Variants in METAP2 observed in about 807,000 individuals in gnomAD.
The protein encoded by METAP2 is methionyl aminopeptidase 2.
A neutral mutation model predicts 59.4 loss-of-function variants in METAP2; 25 were observed. The observed-to-expected ratio is 0.42, with a 90% confidence interval of 0.31 to 0.59. METAP2 has a LOEUF of 0.59. METAP2 is among the 20% of genes least tolerant of loss of function. The probability of loss-of-function intolerance (pLI) is 0.16; values close to 1 mark genes in which losing one functional copy is unlikely to be tolerated. For missense variants in METAP2, 366 were observed against 581.2 expected, an observed-to-expected ratio of 0.63 and a Z score of 3.81; for synonymous variants, 214 against 194.1, an observed-to-expected ratio of 1.10 and a Z score of -0.85.
In METAP2 at chr12:95,492,132, T is replaced by TGTGTGTGTGTGTG. The variant is rs1555191428; in HGVS notation, c.429-1924_429-1923insGTGTGTGTGTGTG. 7.2e-3 allele frequency among the ~76,000 whole-genome samples: 1,070 copies of TGTGTGTGTGTGTG among 149,398 alleles called. 3 individuals are homozygous for TGTGTGTGTGTGTG. The highest frequency in any genetic ancestry group is 7.6e-3 in the Non-Finnish European group (511 of 67,426). On this transcript the variant is annotated intron_variant, in intron 4 of 10. Transcript: ENST00000323666. Reference sequence around the variant, plus strand: ...CTATCGTGTGTATGTATATGTGTGTTTGTGTGTGTGTGTGTGTGTGTGTAT... The same window carrying TGTGTGTGTGTGTG: ...CTATCGTGTGTATGTATATGTGTGTTGTGTGTGTGTGTGTGTGTGTGTGTGTGTGTGTGTGTAT...
chr12:95,484,350 A>G (rs2076180471), intron 3 of METAP2, among the ~76,000 whole-genome samples: 1 of 151,988 alleles, frequency 6.6e-6, no homozygotes, highest in African/African-American at 2.4e-5. Context: ...TCTGTATTTG[A>G]TGAGCACAGG....
chr12:95,507,848 G>A (rs1051416687), intron 8 of METAP2, among the ~76,000 whole-genome samples: 2 of 150,546 alleles, frequency 1.3e-5, no homozygotes, highest in African/African-American at 4.9e-5. Context: ...GCGCGATCTC[G>A]GCTCATCACA....
At chr12:95,509,158 C>T (rs1271806902) in intron 8 of METAP2, among the ~76,000 whole-genome samples, 1 of 152,142 alleles carries the variant, frequency 6.6e-6, no homozygotes, top group African/African-American at 2.4e-5. Flanking sequence ...TTCCCCTGTA[C>T]CCTCATTTTT....
rs201195216 is a variant in METAP2 at position 95,515,541 on chromosome 12, G to A, written c.*1637G>A. The A allele has an allele frequency of 2.0e-5, 3 of 152,174 alleles. No individual in the cohort carries two copies. The highest frequency in any genetic ancestry group is 7.2e-5 in the African/African-American group (3 of 41,436). 9.4% of individuals were successfully genotyped at this position (152,174 alleles called of 1,614,324 possible). On this transcript the variant is annotated 3_prime_UTR_variant, in exon 11 of 11. Coordinates refer to ENST00000323666, the MANE Select transcript of METAP2 (RefSeq NM_006838.4). ...GCAATTTTAGAATTGACCTTTATGA[G>A]TGAAGACTTTTGGAGCTTTTAAAGA... is the stretch of plus-strand genomic sequence containing the variant.
chr12:95,477,135 G>A (rs548904749), intron 2 of METAP2, among the ~76,000 whole-genome samples: 1 of 151,400 alleles, frequency 6.6e-6, no homozygotes, highest in South Asian at 2.1e-4. Flanking sequence ...ACCGAGTCTC[G>A]CTCTGTCGCA....
intron 5 of METAP2, among the ~76,000 whole-genome samples, chr12:95,494,711 T>C (rs1349928191): frequency 6.6e-6 from 1 of 152,198 alleles, no homozygotes; most frequent in Non-Finnish European, 1.5e-5. Flanking sequence ...TTCTAGTAAA[T>C]TTAGTTAAAA....
chr12:95,506,227 G>A (rs532460570), intron 8 of METAP2, among the ~76,000 whole-genome samples: 1 of 151,298 alleles, frequency 6.6e-6, no homozygotes, highest in Admixed American at 6.6e-5. Context: ...GACTACAGAT[G>A]TACAGTATCA....
intron 3 of METAP2, among the ~76,000 whole-genome samples, chr12:95,484,485 CTTAAA>C (rs1048051682): frequency 2.0e-5 from 3 of 148,930 alleles, no homozygotes; most frequent in African/African-American, 7.4e-5. Context: ...ATACCTATTT[CTTAAA>C]TTAAAAAAAA....
intron 7 of METAP2, 79 bp from the exon 8 acceptor site, chr12:95,503,986 G>T: frequency 9.6e-7 from 1 of 1,037,832 alleles, no homozygotes. Context: ...ATTGTCCCTT[G>T]TTTTTAAATG....
intron 1 of METAP2, 135 bp from the exon 2 acceptor site, chr12:95,475,936 C>T: frequency 1.8e-6 from 1 of 570,906 alleles, no homozygotes; most frequent in Non-Finnish European, 3.1e-6. Context: ...TAAACGAATT[C>T]TGTTATGTTC....
At chr12:95,500,679 ATTAG>A in intron 7 of METAP2, among the ~76,000 whole-genome samples, 1 of 152,178 alleles carries the variant, frequency 6.6e-6, no homozygotes, top group East Asian at 1.9e-4. Context: ...AATGTGTATT[ATTAG>A]ATTGATCTGT....
chr12:95,494,514 G>A (rs1389035297), intron 5 of METAP2, among the ~76,000 whole-genome samples: 1 of 152,128 alleles, frequency 6.6e-6, no homozygotes, highest in African/African-American at 2.4e-5. Context: ...AAGTATTGGA[G>A]CAATTGCCCA....
intron 4 of METAP2, among the ~76,000 whole-genome samples, chr12:95,487,664 C>T (rs1466371943): frequency 6.6e-6 from 1 of 150,810 alleles, no homozygotes; most frequent in Admixed American, 6.6e-5. Context: ...TAGCAGGTAG[C>T]CTTCCATATT....
chr12:95,507,092 A>T (rs1482464224), intron 8 of METAP2, among the ~76,000 whole-genome samples: 1 of 152,230 alleles, frequency 6.6e-6, no homozygotes, highest in East Asian at 1.9e-4. Context: ...TGTTACTCAC[A>T]CTTAGGTAGG....
At chr12:95,512,769 T>C in intron 9 of METAP2, 32 bp from the exon 10 acceptor site, 1 of 1,225,218 alleles carries the variant, frequency 8.2e-7, no homozygotes, top group Non-Finnish European at 1.2e-6. Flanking sequence ...TTTTTCTTCT[T>C]TCTCTCCCCT....
chr12:95,476,145 T>C lies in METAP2; in HGVS notation c.226T>C (p.Leu76=). Residue 76 remains leucine (L), a synonymous_variant, in exon 2 of 11, where the codon TTG becomes CTG. Transcript: ENST00000323666. ...EVARQLERSA[L]EDKERDEDDE... is the part of the protein sequence containing the mutation. ...AGCAAGACAGTTGGAAAGATCAGCA[T>C]TGGAAGATAAAGAAAGAGATGAAGA... is the stretch of plus-strand genomic sequence containing the variant. 1 of 1,610,436 alleles carries C rather than the reference T, an allele frequency of 6.2e-7. No individual in the cohort carries two copies. Among genetic ancestry groups the C allele is most frequent in the Non-Finnish European group, 8.5e-7 (1 of 1,177,992 alleles).
intron 6 of METAP2, among the ~76,000 whole-genome samples, chr12:95,495,785 T>C (rs969038840): frequency 1.3e-5 from 2 of 152,166 alleles, no homozygotes; most frequent in Non-Finnish European, 2.9e-5. Flanking sequence ...TGGGGTAATA[T>C]ATACTAACCT....
In METAP2 at chr12:95,512,841, G is replaced by A; in HGVS notation, c.1109G>A (p.Gly370Glu). The A allele has an allele frequency of 6.2e-7, 1 of 1,612,474 alleles. No individual in the cohort carries two copies. Among genetic ancestry groups the A allele is most frequent in the South Asian group, 1.1e-5 (1 of 90,954 alleles). Reference protein sequence around the residue: ...VYAIETFGSTGKGVVHDDMEC... With the variant: ...VYAIETFGSTEKGVVHDDMEC... ...GCAATTGAAACCTTTGGTAGTACAG[G>A]AAAAGGTGTTGTTCATGATGATATG... The change falls in exon 10 of 11, where the codon GGA (glycine) becomes GAA (glutamate). Residue 370 changes from glycine to glutamate, a missense_variant. Around this residue, in one of 4 missense-constraint regions of METAP2, gnomAD observed 82 missense variants for 156.2 expected, o/e 0.52. Transcript: ENST00000323666.
rs201939328 is a variant in METAP2 at position 95,483,280 on chromosome 12, C to T, written c.325C>T (p.Pro109Ser). ...KKKKKKKKRG[P>S]KVQTDPPSVP... Reference sequence around the variant, plus strand: ...GAAAAAGAAGAAGAAGAAGAGAGGACGTTAGTGTCTTAAGTTAATGTTAAT... The same window carrying T: ...GAAAAAGAAGAAGAAGAAGAGAGGATGTTAGTGTCTTAAGTTAATGTTAAT... The change falls in exon 3 of 11, where the codon CCA becomes TCA. Residue 109 changes from proline (P) to serine (S), a missense_variant and splice_region_variant. Around this residue, in one of 4 missense-constraint regions of METAP2, gnomAD observed 177 missense variants for 180.3 expected, o/e 0.98. Transcript: ENST00000323666. 53 of 1,602,592 alleles carry T rather than the reference C, an allele frequency of 3.3e-5. No individual in the cohort carries two copies. The East Asian group carries it at 5.1e-4, about 16-fold the overall frequency.
Sources: gnomAD v4.1 joint callset for allele counts (sites outside exome capture counted in the v4.1 genomes callset) on GRCh38, gnomAD v4.1.1 for gene constraint, gnomAD v4.1.1 regional missense constraint, MANE v1.5 for transcripts, NCBI Gene and HGNC (gene_info 2026-07-23, HGNC 2026-07-21) for gene names.